Variants in VPS13B observed in about 807,000 individuals in gnomAD.
VPS13B encodes intermembrane lipid transfer protein VPS13B.
Under a neutral mutation model 426.4 loss-of-function variants are expected in VPS13B, and 285 were observed. That is an observed-to-expected ratio of 0.67 (90% CI 0.61 to 0.74). VPS13B has a LOEUF of 0.74. Among genes scored for constraint, VPS13B ranks in the 30% least tolerant of loss-of-function variants. VPS13B has a pLI of 0.00. For synonymous variants in VPS13B, 1,676 were observed against 1,676.4 expected, an observed-to-expected ratio of 1.00 and a Z score of 0.01; for missense variants, 4,537 against 4,782.6, an observed-to-expected ratio of 0.95 and a Z score of 1.51.
At chr8:99,407,173 G>C (rs781558134) in intron 21 of VPS13B, among the ~76,000 whole-genome samples, 10 of 152,162 alleles carry the variant, frequency 6.6e-5, no homozygotes, top group Non-Finnish European at 1.5e-4. Flanking sequence ...AATCTTTATA[G>C]TGATGAACAT....
At chr8:99,537,100 T>C (rs945242299) in intron 30 of VPS13B, among the ~76,000 whole-genome samples, 3 of 152,166 alleles carry the variant, frequency 2.0e-5, no homozygotes, top group Admixed American at 6.5e-5. Flanking sequence ...AATAATAACG[T>C]ATATCCACCT....
At chr8:99,743,619 A>C (rs567033367) in intron 39 of VPS13B, among the ~76,000 whole-genome samples, 1 of 152,352 alleles carries the variant, frequency 6.6e-6, no homozygotes, top group East Asian at 1.9e-4. Flanking sequence ...TGGTTCCAAA[A>C]TAGAGATACA....
intron 3 of VPS13B, among the ~76,000 whole-genome samples, chr8:99,068,557 T>C (rs1278244305): frequency 6.6e-6 from 1 of 152,146 alleles, no homozygotes; most frequent in Non-Finnish European, 1.5e-5. Flanking sequence ...TATTAGGCCG[T>C]TTTCACACTG....
intron 43 of VPS13B, among the ~76,000 whole-genome samples, chr8:99,786,420 G>A (rs1056485912): frequency 1.3e-5 from 2 of 152,050 alleles, no homozygotes; most frequent in African/African-American, 4.8e-5. Flanking sequence ...CTTCAATGTT[G>A]TCTCACTCCC....
chr8:99,263,216 A>G (rs1302275838), intron 17 of VPS13B, among the ~76,000 whole-genome samples: 2 of 152,138 alleles, frequency 1.3e-5, no homozygotes, highest in African/African-American at 4.8e-5. Context: ...AAATTTCTAT[A>G]TAGTAGTCTT....
At chr8:99,415,524 T>C (rs1588349739) in intron 21 of VPS13B, among the ~76,000 whole-genome samples, 1 of 152,202 alleles carries the variant, frequency 6.6e-6, no homozygotes, top group Non-Finnish European at 1.5e-5. Context: ...CTTTTTAGGC[T>C]GGTTTTTCCA....
At chr8:99,380,776 G>C (rs1813751146) in intron 19 of VPS13B, among the ~76,000 whole-genome samples, 1 of 150,384 alleles carries the variant, frequency 6.6e-6, no homozygotes, top group African/African-American at 2.5e-5. Context: ...TAACATTATA[G>C]AACAAATGTA....
At chr8:99,724,657 C>T (rs1370383553) in intron 39 of VPS13B, among the ~76,000 whole-genome samples, 3 of 152,112 alleles carry the variant, frequency 2.0e-5, no homozygotes, top group African/African-American at 7.2e-5. Context: ...TAAATAAATG[C>T]ATTACACATA....
intron 21 of VPS13B, among the ~76,000 whole-genome samples, chr8:99,411,834 T>C (rs1357170095): frequency 6.6e-6 from 1 of 151,954 alleles, no homozygotes; most frequent in Non-Finnish European, 1.5e-5. Flanking sequence ...TCTCCATTGC[T>C]TTTTTTTCAG....
intron 42 of VPS13B, among the ~76,000 whole-genome samples, chr8:99,779,622 A>C (rs1462003907): frequency 1.3e-5 from 2 of 152,202 alleles, no homozygotes; most frequent in Non-Finnish European, 2.9e-5. Flanking sequence ...TTCTTATCAG[A>C]AATAAACCAA....
intron 54 of VPS13B, among the ~76,000 whole-genome samples, chr8:99,844,443 C>T (rs1815873363): frequency 6.6e-6 from 1 of 151,062 alleles, no homozygotes; most frequent in Admixed American, 6.6e-5. Flanking sequence ...TCTCGGCTCA[C>T]TGCAACCTCC....
intron 22 of VPS13B, among the ~76,000 whole-genome samples, chr8:99,433,398 T>TA (rs1450070027): frequency 1.3e-5 from 2 of 152,204 alleles, no homozygotes; most frequent in Non-Finnish European, 2.9e-5. Context: ...ATATACAGAT[T>TA]AAAAACATTA....
chr8:99,026,398 T>A (rs1217002470), intron 2 of VPS13B, among the ~76,000 whole-genome samples: 1 of 152,300 alleles, frequency 6.6e-6, no homozygotes, highest in East Asian at 1.9e-4. Context: ...TTGGAGAATT[T>A]TTTTGTGTGC....
At chr8:99,661,815 C>T (rs1291808751) in intron 35 of VPS13B, among the ~76,000 whole-genome samples, 2 of 152,034 alleles carry the variant, frequency 1.3e-5, no homozygotes, top group Admixed American at 1.3e-4. Flanking sequence ...TTCTATACTT[C>T]AGTTTTCTTA....
chr8:99,600,080 G>T (rs549442735), intron 33 of VPS13B, among the ~76,000 whole-genome samples: 6 of 152,104 alleles, frequency 3.9e-5, no homozygotes, highest in Non-Finnish European at 7.4e-5. Context: ...ACTCAGTGCA[G>T]CTTTTGTCAG....
intron 19 of VPS13B, among the ~76,000 whole-genome samples, chr8:99,322,659 C>A (rs1810039520): frequency 6.6e-6 from 1 of 151,938 alleles, no homozygotes; most frequent in Non-Finnish European, 1.5e-5. Flanking sequence ...TATTTTTTTC[C>A]TGGAGATGGG....
At chr8:99,801,341 G>A (rs535673064) in intron 43 of VPS13B, among the ~76,000 whole-genome samples, 21 of 152,258 alleles carry the variant, frequency 1.4e-4, no homozygotes, top group African/African-American at 3.6e-4. Flanking sequence ...GTTGATAATA[G>A]AAAGTTAATT....
At chr8:99,667,193 A>G (rs1399356149) in intron 35 of VPS13B, among the ~76,000 whole-genome samples, 4 of 152,212 alleles carry the variant, frequency 2.6e-5, no homozygotes, top group Non-Finnish European at 5.9e-5. Context: ...CTTGAAAGTC[A>G]TGTCTAAAAA....
intron 15 of VPS13B, among the ~76,000 whole-genome samples, chr8:99,158,812 C>G (rs1360327783): frequency 6.6e-6 from 1 of 152,138 alleles, no homozygotes; most frequent in African/African-American, 2.4e-5. Context: ...TGAAGATGTA[C>G]AGGGAGATGC....
Sources: gnomAD v4.1 joint callset for allele counts (sites outside exome capture counted in the v4.1 genomes callset) on GRCh38, gnomAD v4.1.1 for gene constraint, MANE v1.5 for transcripts, NCBI Gene and HGNC (gene_info 2026-07-23, HGNC 2026-07-21) for gene names.